Variants in DTWD1 observed in about 807,000 individuals in gnomAD.
The protein encoded by DTWD1 is tRNA-uridine aminocarboxypropyltransferase 1.
Under a neutral mutation model 30.2 loss-of-function variants are expected in DTWD1, and 27 were observed. The ratio of observed to expected loss-of-function variants is 0.90; its 90% CI spans 0.66 to 1.23. The LOEUF (loss-of-function observed/expected upper bound fraction) is 1.23. Among genes scored for constraint, DTWD1 ranks in the 50% most tolerant of loss-of-function variants. DTWD1 has a pLI of 0.00. For synonymous variants in DTWD1, 99 were observed against 113.1 expected (o/e 0.88, Z 0.79); for missense variants, 342 against 348.8 (o/e 0.98, Z 0.15).
chr15:49,626,087 A>T (rs1183459481), intron 2 of DTWD1, among the ~76,000 whole-genome samples: 2 of 152,126 alleles, frequency 1.3e-5, no homozygotes, highest in Non-Finnish European at 2.9e-5. Flanking sequence ...GGTGTTTTTA[A>T]TGAAACCAAT....
chr15:49,640,168 A>G (rs1183625935), intron 4 of DTWD1, among the ~76,000 whole-genome samples: 4 of 152,082 alleles, frequency 2.6e-5, no homozygotes, highest in Non-Finnish European at 5.9e-5. Context: ...ATATGTTTTC[A>G]TAAACTATAT....
At chr15:49,627,785 T>G (rs1301639665) in intron 2 of DTWD1, among the ~76,000 whole-genome samples, 1 of 152,218 alleles carries the variant, frequency 6.6e-6, no homozygotes, top group Non-Finnish European at 1.5e-5. Context: ...TTTGCAGGAC[T>G]GGAAGTTTTT....
intron 2 of DTWD1, chr15:49,627,013 G>A (rs2078853239): frequency 5.0e-6 from 1 of 201,134 alleles, no homozygotes; most frequent in Non-Finnish European, 1.1e-5. Flanking sequence ...TGTAAAGAAG[G>A]GATTCCATTA....
intron 2 of DTWD1, among the ~76,000 whole-genome samples, chr15:49,626,069 T>G (rs2078840151): frequency 6.6e-6 from 1 of 152,114 alleles, no homozygotes; most frequent in African/African-American, 2.4e-5. Context: ...TGTCTCTGGG[T>G]CTGAAATGGT....
chr15:49,625,645 C>T, intron 2 of DTWD1: 1 of 512,268 alleles, frequency 2.0e-6, no homozygotes, highest in Non-Finnish European at 3.4e-6. Context: ...ATCGCAAGAG[C>T]ACACCGAACA....
At chr15:49,639,028 A>T (rs1035151925) in intron 4 of DTWD1, among the ~76,000 whole-genome samples, 1 of 152,186 alleles carries the variant, frequency 6.6e-6, no homozygotes, top group Non-Finnish European at 1.5e-5. Flanking sequence ...CTTTCCCTTC[A>T]GTTTGACTGT....
rs575592934 is a variant in DTWD1 at position 49,640,563 on chromosome 15, C to T, written c.668-2768C>T. ...AATATTTCCATCATTAATGTATAAG[C>T]GCTCCATTGATCCATAATCTCTCCT... On this transcript the variant is annotated intron_variant, in intron 4 of 4. Coordinates refer to ENST00000403028, the MANE Select transcript of DTWD1 (RefSeq NM_001144955.2). 1.8e-3 allele frequency among the ~76,000 whole-genome samples: 271 copies of T among 152,094 alleles called. 1 individual carries two copies. The highest frequency in any genetic ancestry group is 2.8e-3 in the Non-Finnish European group (187 of 67,926).
chr15:49,630,254 CA>C (rs553377408), intron 2 of DTWD1, among the ~76,000 whole-genome samples: 366 of 152,242 alleles, frequency 2.4e-3, no homozygotes, highest in African/African-American at 8.3e-3. Flanking sequence ...TTGACTGTAG[CA>C]GTGGATTCAA....
intron 1 of DTWD1, among the ~76,000 whole-genome samples, chr15:49,622,618 A>G (rs2078766615): frequency 6.6e-6 from 1 of 152,172 alleles, no homozygotes; most frequent in African/African-American, 2.4e-5. Flanking sequence ...TTCCTTGCAC[A>G]TATTTGATGT....
At chr15:49,632,049 A>T in intron 2 of DTWD1, 110 bp from the exon 3 acceptor site, 1 of 994,006 alleles carries the variant, frequency 1.0e-6, no homozygotes, top group East Asian at 2.7e-5. Context: ...CCATATGCAT[A>T]TTTATAGGAG....
chr15:49,625,462 T>G, intron 2 of DTWD1, 31 bp downstream of exon 2: 1 of 1,575,478 alleles, frequency 6.3e-7, no homozygotes, highest in Non-Finnish European at 8.6e-7. Flanking sequence ...TTTGAAAGTA[T>G]GAAAATAGAT....
rs1046203248 is a variant in DTWD1 at position 49,644,772 on chromosome 15, A to G, written c.*1194A>G. 1 of 151,832 alleles carries G rather than the reference A, an allele frequency of 6.6e-6. No homozygotes were observed. Among genetic ancestry groups the G allele is most frequent in the Non-Finnish European group, 1.5e-5 (1 of 67,964 alleles). 9.4% of individuals were successfully genotyped at this position (151,832 alleles called of 1,614,324 possible). On this transcript the variant is annotated 3_prime_UTR_variant, in exon 5 of 5. Transcript: ENST00000403028. Reference sequence around the variant, plus strand: ...CTGCTCCCTCCCTTTACCCCTTTTCACTTAGGGTTGGTAATAGCTTACAGT... The same window carrying G: ...CTGCTCCCTCCCTTTACCCCTTTTCGCTTAGGGTTGGTAATAGCTTACAGT...
rs1019655548 is a variant in DTWD1 at position 49,648,393 on chromosome 15, C to T, written c.*4815C>T. 4.6e-5 allele frequency: 7 copies of T among 152,220 alleles called. No homozygotes were observed. Among genetic ancestry groups the T allele is most frequent in the African/African-American group, 1.7e-4 (7 of 41,442 alleles). The allele number at this position is 152,220 out of a possible 1,614,324, so 9.4% of individuals were successfully genotyped here. A position where few individuals can be genotyped will look rare whatever the true frequency, so the allele number is the denominator to read the frequency against. ...CTCAGCTCACTACAACCTCCACCTC[C>T]CAAGTTCAAGCAATTATCATGCCTT... On this transcript the variant is annotated 3_prime_UTR_variant, in exon 5 of 5. Transcript: ENST00000403028.
In DTWD1 at chr15:49,625,103, T is replaced by C. The variant is rs2078822765; in HGVS notation, c.-55-10T>C. The C allele has an allele frequency of 2.1e-6, 3 of 1,457,832 alleles. No homozygotes were observed. The highest frequency in any genetic ancestry group is 2.3e-5 in the East Asian group (1 of 43,926). The allele number at this position is 1,457,832 out of a possible 1,614,324, so 90.3% of individuals were successfully genotyped here. ...TTATTTTTCCTTCTCTTGATACTTT[T>C]TTTTTACAGTGCACCTATGATATGT... On this transcript the variant is annotated splice_polypyrimidine_tract_variant and intron_variant, in intron 1 of 4. Coordinates refer to ENST00000403028, the MANE Select transcript of DTWD1 (RefSeq NM_001144955.2).
At chr15:49,626,921 A>G (rs1052451265) in intron 2 of DTWD1, 5 of 276,736 alleles carry the variant, frequency 1.8e-5, no homozygotes, top group South Asian at 6.7e-5. Context: ...GTTTCCCATT[A>G]TCTTACAGGA....
At position 49,643,321 on chromosome 15, in the gene DTWD1, T is replaced by TTTTTTTTTTTTTTG; in HGVS notation, c.668-6_668-5insTTTTTTTTTGTTTT. 1 of 1,463,656 alleles carries TTTTTTTTTTTTTTG rather than the reference T, an allele frequency of 6.8e-7. No homozygotes were observed. The highest frequency in any genetic ancestry group is 9.0e-7 in the Non-Finnish European group (1 of 1,116,122). The allele number at this position is 1,463,656 out of a possible 1,614,324, so 90.7% of individuals were successfully genotyped here. On this transcript the variant is annotated splice_polypyrimidine_tract_variant and intron_variant, in intron 4 of 4. Coordinates refer to ENST00000403028, the MANE Select transcript of DTWD1 (RefSeq NM_001144955.2). ...TTCTTTCTTTCTTTTTTTTTTTTTT[T>TTTTTTTTTTTTTTG]TTTTGACAGGGTTGTTACAAGTTGA...
At position 49,648,028 on chromosome 15, in the gene DTWD1, A is replaced by G. The variant is rs1044790711; in HGVS notation, c.*4450A>G. ...TTAGTTAAAAGTTGTAAATGCAACC[A>G]TAGGCTACATGTTACATTGTATTTA... On this transcript the variant is annotated 3_prime_UTR_variant, in exon 5 of 5. Coordinates refer to ENST00000403028, the MANE Select transcript of DTWD1 (RefSeq NM_001144955.2). 3 of 152,166 alleles carry G rather than the reference A, an allele frequency of 2.0e-5. No homozygotes were observed. The highest frequency in any genetic ancestry group is 2.9e-5 in the Non-Finnish European group (2 of 68,010). 9.4% of individuals were successfully genotyped at this position (152,166 alleles called of 1,614,324 possible).
intron 2 of DTWD1, among the ~76,000 whole-genome samples, chr15:49,631,848 T>TG (rs1567738086): frequency 2.0e-5 from 3 of 152,174 alleles, no homozygotes. Flanking sequence ...TTGGCACACA[T>TG]GGTGAAATGC....
Position 49,632,164 on chromosome 15 carries a change from A to C in DTWD1, c.270A>C (p.Pro90=), listed in dbSNP as rs758097134. Residue 90 remains proline, a synonymous_variant, in exon 3 of 5, where the codon CCA becomes CCC. Coordinates refer to ENST00000403028, the MANE Select transcript of DTWD1 (RefSeq NM_001144955.2). ...TGTGCTTTTTTTACCTTTAGCTTCC[A>C]TTGAAGATTGACATCATTAAACATC... The part of the protein sequence containing the change: ...PIEQIPLVKL[P]LKIDIIKHPN... 6 of 1,564,532 alleles carry C rather than the reference A, an allele frequency of 3.8e-6. No individual in the cohort carries two copies. The African/African-American group carries it at 4.2e-5, about 11-fold the overall frequency.
Sources: allele counts gnomAD v4.1 joint callset (sites outside exome capture counted in the v4.1 genomes callset), GRCh38; gene constraint gnomAD v4.1.1; transcripts MANE v1.5; gene names NCBI Gene and HGNC (gene_info 2026-07-23, HGNC 2026-07-21).